The following ZBED1 variants were observed in gnomAD, a reference collection of about 807,000 sequenced individuals.
ZBED1 encodes E3 SUMO-protein ligase ZBED1.
In ZBED1, 19 loss-of-function variants were observed where a neutral mutation model predicts 49.7. The ratio of observed to expected loss-of-function variants is 0.38; its 90% CI spans 0.27 to 0.56. The LOEUF is 0.56. Among genes scored for constraint, ZBED1 ranks in the 20% least tolerant of loss-of-function variants. ZBED1 has a pLI of 0.70. For synonymous variants in ZBED1, 439 were observed against 440.3 expected (o/e 1.00, Z 0.04); for missense variants, 806 against 972.6 (o/e 0.83, Z 2.28).
Position 2,500,857 on chromosome X carries a change from C to A in ZBED1, c.-94G>T. On this transcript the variant is annotated 5_prime_UTR_variant, in exon 1 of 2. Coordinates refer to ENST00000652001, the MANE Select transcript of ZBED1 (RefSeq NM_001171136.2). ...CCCCGCGGCAGCGCCGCAGCAGCTGCGCCAGGATCACCGCGGCGCCTACCG... is the reference window on the plus strand; with the variant it reads ...CCCCGCGGCAGCGCCGCAGCAGCTGAGCCAGGATCACCGCGGCGCCTACCG... The A allele has an allele frequency of 8.6e-7, 1 of 1,161,436 alleles. No individual in the cohort carries two copies. Among genetic ancestry groups the A allele is most frequent in the Non-Finnish European group, 1.1e-6 (1 of 936,638 alleles). The allele number at this position is 1,161,436 out of a possible 1,614,324, so 71.9% of individuals were successfully genotyped here. A position where few individuals can be genotyped will look rare whatever the true frequency, so the allele number is the denominator to read the frequency against.
Position 2,488,585 on chromosome X carries a change from C to T in ZBED1, c.*50G>A, listed in dbSNP as rs781071374. On this transcript the variant is annotated 3_prime_UTR_variant, in exon 2 of 2. Coordinates refer to ENST00000652001, the MANE Select transcript of ZBED1 (RefSeq NM_001171136.2). The stretch of plus-strand genomic sequence containing the variant: ...GACCGGGTAAGTATTTACAGCAAAG[C>T]ATCCAATGGGCTGCTGCGGGGATGA... The T allele has an allele frequency of 2.0e-6, 3 of 1,533,286 alleles. No individual in the cohort carries two copies. In the East Asian group the frequency reaches 6.8e-5, roughly 35 times the overall value. The allele number at this position is 1,533,286 out of a possible 1,614,324, so 95.0% of individuals were successfully genotyped here.
Position 2,489,186 on chromosome X carries a change from C to T in ZBED1, c.1534G>A (p.Gly512Ser), listed in dbSNP as rs759759475. The T allele has an allele frequency of 1.4e-5, 22 of 1,613,690 alleles. No individual in the cohort carries two copies. The highest frequency in any genetic ancestry group is 1.2e-4 in the South Asian group (11 of 91,072). The stretch of plus-strand genomic sequence containing the variant: ...ATCTTGTCCTCAGCCGGCCGGTAGC[C>T]GCCGTCTTTGACCTTGTCCAGCAGG... ...KGLLDKVKDG[G>S]YRPAEDKIFP... The change falls in exon 2 of 2, where the codon GGC becomes AGC. Residue 512 changes from glycine to serine, a missense_variant. By Grantham distance (56) the Gly-to-Ser change is moderately conservative (BLOSUM62 0). This residue lies in a region of ZBED1 where 749 missense variants were observed against 861.3 expected (regional missense o/e 0.87). Coordinates refer to ENST00000652001, the MANE Select transcript of ZBED1 (RefSeq NM_001171136.2).
At chrX:2,492,050 C>T in intron 1 of ZBED1, among the ~76,000 whole-genome samples, 1 of 152,294 alleles carries the variant, frequency 6.6e-6, no homozygotes, top group East Asian at 1.9e-4. Flanking sequence ...ACCACCCAGG[C>T]ACGTTCAGAG....
chrX:2,489,256 G>A lies in ZBED1; in HGVS notation c.1464C>T (p.Phe488=), dbSNP rs369469420. The change falls in exon 2 of 2, where the codon TTC becomes TTT. Residue 488 remains phenylalanine (F), a synonymous_variant. Coordinates refer to ENST00000652001, the MANE Select transcript of ZBED1 (RefSeq NM_001171136.2). The part of the protein sequence containing the change: ...RYKRLPFLSA[F]ERQQVENRVV... The stretch of plus-strand genomic sequence containing the variant: ...CGCGATTCTCCACCTGCTGCCGCTC[G>A]AAGGCGGAGAGGAAGGGCAGCCTCT... 76 of 1,613,836 alleles carry A rather than the reference G, an allele frequency of 4.7e-5. No individual in the cohort carries two copies. Among genetic ancestry groups the A allele is most frequent in the Non-Finnish European group, 6.2e-5 (73 of 1,179,876 alleles).
chrX:2,487,381 TTGAGACGGAGTCTCACTC>T lies in ZBED1; in HGVS notation c.*1236_*1253del, dbSNP rs1428138474. 2.7e-5 allele frequency: 4 copies of T among 148,136 alleles called. No individual in the cohort carries two copies. The highest frequency in any genetic ancestry group is 9.8e-5 in the African/African-American group (4 of 40,964). The allele number at this position is 148,136 out of a possible 1,614,324, so 9.2% of individuals were successfully genotyped here. Reference sequence around the variant, plus strand: ...GTGAGCCACCCACTTTTGTTTTGTTTTGAGACGGAGTCTCACTCTGGCCTCCAGGCTGGAGTGCAGTGG... The same window carrying T: ...GTGAGCCACCCACTTTTGTTTTGTTTTGGCCTCCAGGCTGGAGTGCAGTGG... On this transcript the variant is annotated 3_prime_UTR_variant, in exon 2 of 2. Coordinates refer to ENST00000652001, the MANE Select transcript of ZBED1 (RefSeq NM_001171136.2).
chrX:2,490,814 G>A (rs950918431), intron 1 of ZBED1, 42 bp from the exon 2 acceptor site: 5 of 1,508,542 alleles, frequency 3.3e-6, no homozygotes, highest in Non-Finnish European at 4.5e-6. Context: ...AAGGGACCCA[G>A]GCACGCACGG....
Position 2,500,856 on chromosome X carries a change from GCGCCAGGATCAC to G in ZBED1, c.-105_-94del. 2.6e-6 allele frequency: 3 copies of G among 1,161,372 alleles called. No individual in the cohort carries two copies. The highest frequency in any genetic ancestry group is 3.2e-6 in the Non-Finnish European group (3 of 936,824). 71.9% of individuals were successfully genotyped at this position (1,161,372 alleles called of 1,614,324 possible). ...CCCCCGCGGCAGCGCCGCAGCAGCTGCGCCAGGATCACCGCGGCGCCTACCGCGTAGACCCGC... is the reference window on the plus strand; with the variant it reads ...CCCCCGCGGCAGCGCCGCAGCAGCTGCGCGGCGCCTACCGCGTAGACCCGC... On this transcript the variant is annotated 5_prime_UTR_variant, in exon 1 of 2. Transcript: ENST00000652001.
intron 1 of ZBED1, among the ~76,000 whole-genome samples, chrX:2,496,305 T>C (rs1432536270): frequency 1.3e-5 from 2 of 152,104 alleles, no homozygotes; most frequent in African/African-American, 4.8e-5. Flanking sequence ...TTCACACCAT[T>C]CTCCTGCCTC....
rs1313570013 is a variant in ZBED1 at position 2,500,975 on chromosome X, G to GCGCC, written c.-213_-212insGGCG. On this transcript the variant is annotated 5_prime_UTR_variant, in exon 1 of 2. Transcript: ENST00000652001. ...GCTTCCGCGCCGCCCGCGGGACTCT[G>GCGCC]CGCCCGCCCGCCCGGACGGACGGCG... is the stretch of plus-strand genomic sequence containing the variant. 2.8e-5 allele frequency: 27 copies of GCGCC among 949,414 alleles called. No homozygotes were observed. The highest frequency in any genetic ancestry group is 6.0e-5 in the Admixed American group (1 of 16,790). The allele number at this position is 949,414 out of a possible 1,614,324, so 58.8% of individuals were successfully genotyped here.
At chrX:2,492,938 G>T (rs961652011) in intron 1 of ZBED1, among the ~76,000 whole-genome samples, 1 of 152,232 alleles carries the variant, frequency 6.6e-6, no homozygotes, top group African/African-American at 2.4e-5. Flanking sequence ...TCTTAGAAAG[G>T]CCCCCCGTCT....
rs113493731 is a variant in ZBED1 at position 2,496,500 on chromosome X, G to A, written c.-54+4317C>T. Reference sequence around the variant, plus strand: ...AGGCATGAGCCACCGCACCCGGCCCGCCAATAGAGATTTTAAATGTCTTGC... The same window carrying A: ...AGGCATGAGCCACCGCACCCGGCCCACCAATAGAGATTTTAAATGTCTTGC... On this transcript the variant is annotated intron_variant, in intron 1 of 1. Coordinates refer to ENST00000652001, the MANE Select transcript of ZBED1 (RefSeq NM_001171136.2). Among the ~76,000 whole-genome samples, 7 of 152,174 alleles carry A rather than the reference G, an allele frequency of 4.6e-5. No homozygotes were observed. The South Asian group carries it at 8.3e-4, about 18-fold the overall frequency.
intron 1 of ZBED1, among the ~76,000 whole-genome samples, chrX:2,499,276 G>A (rs2045353679): frequency 1.3e-5 from 2 of 152,162 alleles, no homozygotes; most frequent in South Asian, 2.1e-4. Context: ...TACAGAGGCA[G>A]AAATAACAGC....
rs1441354509 is a variant in ZBED1, at chrX:2,499,685, T to C, written c.-54+1132A>G. Among the ~76,000 whole-genome samples, 12 of 151,972 alleles carry C rather than the reference T, an allele frequency of 7.9e-5. No homozygotes were observed. In the East Asian group the frequency reaches 9.7e-4, roughly 12 times the overall value. ...ACTTTGGGGGACCCAGGTAGGAGGA[T>C]TGCTTCGGCCCATGAGTTTCAGACC... On this transcript the variant is annotated intron_variant, in intron 1 of 1. Coordinates refer to ENST00000652001, the MANE Select transcript of ZBED1 (RefSeq NM_001171136.2).
At chrX:2,500,302 C>T (rs770023722) in intron 1 of ZBED1, 1 of 186,816 alleles carries the variant, frequency 5.4e-6, no homozygotes, top group South Asian at 1.3e-4. Flanking sequence ...AGGGCCCATC[C>T]TCACTTACCC....
chrX:2,499,262 T>G (rs2045353445), intron 1 of ZBED1, among the ~76,000 whole-genome samples: 1 of 152,158 alleles, frequency 6.6e-6, no homozygotes, highest in Non-Finnish European at 1.5e-5. Context: ...GCCATGAAAC[T>G]GTCTACAGAG....
intron 1 of ZBED1, chrX:2,500,283 C>CA (rs2045383644): frequency 5.6e-6 from 1 of 178,552 alleles, no homozygotes; most frequent in African/African-American, 2.3e-5. Flanking sequence ...TGGAGACGTC[C>CA]TCCGGAGAAG....
Position 2,490,787 on chromosome X carries a change from GACAA to G in ZBED1, c.-53-19_-53-16del. ...GTGGGGACCTGCTGAGAAGGGCCAA[GACAA>G]ACACAGCATGAGAAGGGACCCAGGC... On this transcript the variant is annotated splice_polypyrimidine_tract_variant and intron_variant, in intron 1 of 1. Transcript: ENST00000652001. 6.4e-7 allele frequency: 1 copy of G among 1,556,512 alleles called. No individual in the cohort carries two copies.
In ZBED1 at chrX:2,488,670, C is replaced by G. The variant is rs143280726; in HGVS notation, c.2050G>C (p.Gly684Arg). The change falls in exon 2 of 2, where the codon GGT becomes CGT. Residue 684 changes from glycine (G) to arginine (R), a missense_variant. Around this residue, in one of 2 missense-constraint regions of ZBED1, gnomAD observed 749 missense variants for 861.3 expected, o/e 0.87. Transcript: ENST00000652001. ...VFSLGDGVSG[G>R]FFGIRDSSFL Reference sequence around the variant, plus strand: ...CTGCTGTCCCTAATGCCAAAGAAACCGCCGCTGACGCCATCCCCCAAGGAG... The same window carrying G: ...CTGCTGTCCCTAATGCCAAAGAAACGGCCGCTGACGCCATCCCCCAAGGAG... The G allele has an allele frequency of 1.2e-6, 2 of 1,610,816 alleles. No individual in the cohort carries two copies. Among genetic ancestry groups the G allele is most frequent in the East Asian group, 4.5e-5 (2 of 44,862 alleles).
intron 1 of ZBED1, among the ~76,000 whole-genome samples, chrX:2,492,247 A>G (rs2045169878): frequency 6.6e-6 from 1 of 152,196 alleles, no homozygotes; most frequent in Admixed American, 6.5e-5. Context: ...ATTATTCTCA[A>G]TTGAGGTGGT....
Sources: allele counts gnomAD v4.1 joint callset (sites outside exome capture counted in the v4.1 genomes callset), GRCh38; gene constraint gnomAD v4.1.1; regional missense constraint gnomAD v4.1.1; transcripts MANE v1.5; gene names NCBI Gene and HGNC (gene_info 2026-07-23, HGNC 2026-07-21).